The following VTI1A variants were observed in gnomAD, a reference collection of about 807,000 sequenced individuals.
VTI1A encodes the protein vesicle transport through interaction with t-SNAREs 1A.
Under a neutral mutation model 34.9 loss-of-function variants are expected in VTI1A, and 22 were observed. That is an observed-to-expected ratio of 0.63 (90% confidence interval 0.45 to 0.90). The LOEUF (loss-of-function observed/expected upper bound fraction) is 0.90. Ranked by LOEUF, VTI1A falls within the 40% of genes least tolerant of loss-of-function variation. The probability of loss-of-function intolerance (pLI) is 0.00; values close to 1 mark genes in which losing one functional copy is unlikely to be tolerated. For synonymous variants in VTI1A, 87 were observed against 97.3 expected, an observed-to-expected ratio of 0.89 and a Z score of 0.62; for missense variants, 268 against 275.6, an observed-to-expected ratio of 0.97 and a Z score of 0.20.
chr10:112,556,515 G>A (rs1851550796), intron 5 of VTI1A, among the ~76,000 whole-genome samples: 1 of 151,962 alleles, frequency 6.6e-6, no homozygotes, highest in African/African-American at 2.4e-5. Context: ...CTCATTCAGT[G>A]TAGACATCAA....
chr10:112,610,791 C>T (rs1156358654), intron 5 of VTI1A, among the ~76,000 whole-genome samples: 1 of 152,100 alleles, frequency 6.6e-6, no homozygotes, highest in Non-Finnish European at 1.5e-5. Context: ...CGGTGGCGGG[C>T]GCCTGTAGTC....
In VTI1A at chr10:112,785,418, T is replaced by C. The variant is rs1013500269; in HGVS notation, c.561-29872T>C. ...ATACTTGTCTGTACACACCTTTTTT[T>C]GGATATATGATTTGCAAATATTTTT... On this transcript the variant is annotated intron_variant, in intron 7 of 7. Coordinates refer to ENST00000393077, the MANE Select transcript of VTI1A (RefSeq NM_145206.4). Among the ~76,000 whole-genome samples the C allele has an allele frequency of 1.1e-4, 17 of 152,224 alleles. No individual in the cohort carries two copies. In the East Asian group the frequency reaches 1.7e-3, roughly 16 times the overall value.
At chr10:112,830,849 A>ATATATATATATATATATTTTTTT in the VTI1A span, among the ~76,000 whole-genome samples, 37 of 33,484 alleles carry the variant, frequency 1.1e-3, no homozygotes, top group East Asian at 1.5e-3. Context: ...ATATATATAT[A>ATATATATATATATATATTTTTTT]TTTTTTTTTT....
At chr10:112,447,041 G>T, upstream of VTI1A, 1 of 285,730 alleles carries the variant, frequency 3.5e-6, no homozygotes, top group Non-Finnish European at 6.8e-6. Context: ...CCCAGAACAC[G>T]AAGGGGGGAA....
chr10:112,485,756 A>G (rs973113683), intron 3 of VTI1A, among the ~76,000 whole-genome samples: 8 of 152,212 alleles, frequency 5.3e-5, no homozygotes, highest in African/African-American at 1.9e-4. Context: ...AAAAGATGTT[A>G]GTTTTAAGTT....
intron 5 of VTI1A, among the ~76,000 whole-genome samples, chr10:112,627,637 A>G (rs1386137839): frequency 1.3e-5 from 2 of 152,144 alleles, no homozygotes; most frequent in East Asian, 1.9e-4. Context: ...ATGTGTCAAT[A>G]TATATGCACA....
intron 7 of VTI1A, among the ~76,000 whole-genome samples, chr10:112,719,468 C>T (rs908795240): frequency 5.9e-5 from 9 of 151,852 alleles, no homozygotes; most frequent in African/African-American, 1.7e-4. Flanking sequence ...TTATATAATG[C>T]GCCCATTTAA....
chr10:112,447,290 C>T lies in VTI1A; in HGVS notation c.-84C>T. 2.7e-6 allele frequency: 4 copies of T among 1,473,604 alleles called. No individual in the cohort carries two copies. Among genetic ancestry groups the T allele is most frequent in the East Asian group, 2.5e-5 (1 of 40,350 alleles). The allele number at this position is 1,473,604 out of a possible 1,614,324, so 91.3% of individuals were successfully genotyped here. A position where few individuals can be genotyped will look rare whatever the true frequency, so the allele number is the denominator to read the frequency against. ...GCTCTCGGGGGCACCTTCCGGGGTT[C>T]CTAAGCCGCGGGGCCCCTCGCTGCC... On this transcript the variant is annotated 5_prime_UTR_variant, in exon 1 of 8. Coordinates refer to ENST00000393077, the MANE Select transcript of VTI1A (RefSeq NM_145206.4).
intron 4 of VTI1A, among the ~76,000 whole-genome samples, chr10:112,535,544 A>T (rs1247059696): frequency 6.6e-6 from 1 of 152,164 alleles, no homozygotes; most frequent in South Asian, 2.1e-4. Context: ...GAAAGGGAGC[A>T]TGCTTGGAGG....
At chr10:112,560,971 C>T (rs1026610452) in intron 5 of VTI1A, among the ~76,000 whole-genome samples, 2 of 152,014 alleles carry the variant, frequency 1.3e-5, no homozygotes, top group African/African-American at 2.4e-5. Flanking sequence ...CATCCCAGAC[C>T]ACTTTTAAGA....
At chr10:112,781,342 C>T (rs1001476966) in intron 7 of VTI1A, among the ~76,000 whole-genome samples, 1 of 152,226 alleles carries the variant, frequency 6.6e-6, no homozygotes, top group African/African-American at 2.4e-5. Flanking sequence ...CAGCTGTCAA[C>T]CTTTCAGGCA....
intron 3 of VTI1A, among the ~76,000 whole-genome samples, chr10:112,511,599 G>A (rs927846787): frequency 6.6e-6 from 1 of 151,778 alleles, no homozygotes; most frequent in South Asian, 2.1e-4. Flanking sequence ...GGTTATTTAC[G>A]GTGCTACCAC....
intron 5 of VTI1A, among the ~76,000 whole-genome samples, chr10:112,658,859 A>C (rs185542728): frequency 3.9e-5 from 6 of 152,302 alleles, no homozygotes; most frequent in Admixed American, 3.9e-4. Flanking sequence ...TGTTTAAACA[A>C]ATTTTTCCTG....
At chr10:112,676,691 C>A (rs1323732853) in intron 7 of VTI1A, among the ~76,000 whole-genome samples, 1 of 152,184 alleles carries the variant, frequency 6.6e-6, no homozygotes, top group Non-Finnish European at 1.5e-5. Context: ...TTTGCTTTGT[C>A]TGTTACTTCT....
rs986913315 is a variant in VTI1A at position 112,761,774 on chromosome 10, G to C, written c.561-53516G>C. 2.1e-3 allele frequency among the ~76,000 whole-genome samples: 247 copies of C among 118,850 alleles called. 1 individual carries two copies. The highest frequency in any genetic ancestry group is 4.8e-3 in the African/African-American group (152 of 31,428). 78.0% of individuals were successfully genotyped at this position (118,850 alleles called of 152,430 possible). A position where few individuals can be genotyped will look rare whatever the true frequency, so the allele number is the denominator to read the frequency against. Reference sequence around the variant, plus strand: ...CCCTCCTCTCTCTTTCTTTCTCTGTGTGTGTGTGTGTGTGTGTGTGTGTGT... The same window carrying C: ...CCCTCCTCTCTCTTTCTTTCTCTGTCTGTGTGTGTGTGTGTGTGTGTGTGT... On this transcript the variant is annotated intron_variant, in intron 7 of 7. Coordinates refer to ENST00000393077, the MANE Select transcript of VTI1A (RefSeq NM_145206.4).
At chr10:112,456,249 C>T (rs1847519449) in intron 1 of VTI1A, among the ~76,000 whole-genome samples, 1 of 152,004 alleles carries the variant, frequency 6.6e-6, no homozygotes, top group Non-Finnish European at 1.5e-5. Flanking sequence ...GGTGAAACCT[C>T]ATTCTACTAA....
At chr10:112,757,045 CAAAA>C (rs35767517) in intron 7 of VTI1A, among the ~76,000 whole-genome samples, 1 of 131,718 alleles carries the variant, frequency 7.6e-6, no homozygotes, top group African/African-American at 2.7e-5. Context: ...GACCTTGCCT[CAAAA>C]AAAAAAAAAA....
chr10:112,734,211 G>A (rs1194140027), intron 7 of VTI1A, among the ~76,000 whole-genome samples: 1 of 152,016 alleles, frequency 6.6e-6, no homozygotes, highest in African/African-American at 2.4e-5. Context: ...TTACCAGCAG[G>A]CCAAGGCTGC....
At chr10:112,479,767 A>G (rs185638529) in intron 3 of VTI1A, among the ~76,000 whole-genome samples, 2 of 152,266 alleles carry the variant, frequency 1.3e-5, no homozygotes, top group Admixed American at 1.3e-4. Context: ...ACCTTTCAAA[A>G]TTGTCCACTC....
Sources: gnomAD v4.1 joint callset for allele counts (sites outside exome capture counted in the v4.1 genomes callset) on GRCh38, gnomAD v4.1.1 for gene constraint, MANE v1.5 for transcripts, NCBI Gene and HGNC (gene_info 2026-07-23, HGNC 2026-07-21) for gene names.